SAP130: variants seen among roughly 807,000 people sequenced by gnomAD.
The protein encoded by SAP130 is histone deacetylase complex subunit SAP130.
In SAP130, 16 loss-of-function variants were observed where a neutral mutation model predicts 103.2. The observed-to-expected ratio is 0.16, with a 90% CI of 0.10 to 0.24. The LOEUF is 0.24. SAP130 is among the 10% of genes least tolerant of loss of function. SAP130 has a pLI of 1.00. For missense variants in SAP130, 990 were observed against 1,359.7 expected, an observed-to-expected ratio of 0.73 and a Z score of 4.28; for synonymous variants, 477 against 497.0, an observed-to-expected ratio of 0.96 and a Z score of 0.53.
At chr2:128,027,373 C>A in intron 1 of SAP130, 2 of 1,145,662 alleles carry the variant, frequency 1.7e-6, no homozygotes, top group Non-Finnish European at 2.1e-6. Flanking sequence ...CAGGACCAAT[C>A]CACAGCGACC....
intron 2 of SAP130, among the ~76,000 whole-genome samples, chr2:128,024,603 G>A (rs1191310811): frequency 6.6e-6 from 1 of 151,800 alleles, no homozygotes; most frequent in Non-Finnish European, 1.5e-5. Flanking sequence ...GCTCATGCCT[G>A]TAATCCCAGC....
At chr2:127,948,840 G>A (rs1210386607) in intron 18 of SAP130, among the ~76,000 whole-genome samples, 3 of 152,152 alleles carry the variant, frequency 2.0e-5, no homozygotes, top group South Asian at 2.1e-4. Context: ...AGTTTTTGAA[G>A]AGCGAGTCCC....
intron 15 of SAP130, among the ~76,000 whole-genome samples, chr2:127,960,469 T>C (rs1680160937): frequency 6.6e-6 from 1 of 152,182 alleles, no homozygotes; most frequent in South Asian, 2.1e-4. Flanking sequence ...GTAGGTTTGG[T>C]GGAAAGTTTG....
chr2:128,004,612 T>G (rs1220681122), intron 7 of SAP130, among the ~76,000 whole-genome samples: 1 of 152,124 alleles, frequency 6.6e-6, no homozygotes, highest in African/African-American at 2.4e-5. Flanking sequence ...CAAAATCTTT[T>G]GTGTAACAGT....
At chr2:127,944,369 T>C (rs1382222127) in intron 19 of SAP130, among the ~76,000 whole-genome samples, 1 of 152,108 alleles carries the variant, frequency 6.6e-6, no homozygotes, top group Non-Finnish European at 1.5e-5. Context: ...TTTTAACTTT[T>C]TATACTTGTT....
At chr2:127,950,623 G>A (rs1014162092) in intron 16 of SAP130, among the ~76,000 whole-genome samples, 5 of 152,182 alleles carry the variant, frequency 3.3e-5, no homozygotes, top group Admixed American at 6.5e-5. Flanking sequence ...GGTCCAGGAC[G>A]TCCTTTGACA....
intron 6 of SAP130, among the ~76,000 whole-genome samples, chr2:128,012,419 G>A (rs572537642): frequency 3.3e-5 from 5 of 152,218 alleles, no homozygotes; most frequent in African/African-American, 9.6e-5. Context: ...GCAGTGAGCT[G>A]GGATCGCACC....
intron 6 of SAP130, among the ~76,000 whole-genome samples, chr2:128,011,550 G>C (rs942904072): frequency 2.0e-5 from 3 of 152,180 alleles, no homozygotes; most frequent in Admixed American, 1.3e-4. Context: ...TTCCTCACTC[G>C]GGAGCTCCTT....
At chr2:127,975,822 A>G (rs1681421210) in intron 15 of SAP130, among the ~76,000 whole-genome samples, 1 of 152,128 alleles carries the variant, frequency 6.6e-6, no homozygotes, top group Non-Finnish European at 1.5e-5. Flanking sequence ...GGGGTCTCAG[A>G]AGTTACGCCG....
In SAP130 at chr2:128,026,163, G is replaced by A; in HGVS notation, c.112+18C>T. On this transcript the variant is annotated intron_variant, in intron 2 of 20. Coordinates refer to ENST00000643581, the MANE Select transcript of SAP130 (RefSeq NM_001330301.2). ...TCTTAAAGTAGGAAAAAATATATTA[G>A]AATATTACATATCTCACCTGTAGCA... The A allele has an allele frequency of 6.6e-7, 1 of 1,508,714 alleles. No homozygotes were observed. The highest frequency in any genetic ancestry group is 9.2e-7 in the Non-Finnish European group (1 of 1,090,124). 93.5% of individuals were successfully genotyped at this position (1,508,714 alleles called of 1,614,324 possible).
intron 13 of SAP130, among the ~76,000 whole-genome samples, chr2:127,987,382 C>T (rs918918832): frequency 1.3e-5 from 2 of 152,094 alleles, no homozygotes; most frequent in African/African-American, 4.8e-5. Context: ...GACGGGGTTT[C>T]ACCGTGTTGG....
In SAP130 at chr2:128,016,274, T is replaced by C. The variant is rs948919213; in HGVS notation, c.507+115A>G. On this transcript the variant is annotated intron_variant, in intron 4 of 20. Transcript: ENST00000643581. ...TACTATCTTCACTTGCAGGTATCAG[T>C]GACTGTTTGATCTTTTTTTATTACC... The C allele has an allele frequency of 2.8e-6, 3 of 1,079,914 alleles. No individual in the cohort carries two copies. In the African/African-American group the frequency reaches 4.8e-5, roughly 17 times the overall value. The allele number at this position is 1,079,914 out of a possible 1,614,324, so 66.9% of individuals were successfully genotyped here. A position where few individuals can be genotyped will look rare whatever the true frequency, so the allele number is the denominator to read the frequency against.
chr2:128,027,837 C>T (rs945111477), intron 1 of SAP130, 103 bp downstream of exon 1: 12 of 758,264 alleles, frequency 1.6e-5, no homozygotes, highest in African/African-American at 1.9e-5. Context: ...GATCCTCTGC[C>T]CTTCCCCGGG....
chr2:127,944,061 T>C (rs1031248054), intron 19 of SAP130, among the ~76,000 whole-genome samples: 1 of 152,204 alleles, frequency 6.6e-6, no homozygotes, highest in African/African-American at 2.4e-5. Flanking sequence ...TGAGAGTGTC[T>C]TACTCTGTTA....
At chr2:127,977,939 G>T in intron 15 of SAP130, 46 bp downstream of exon 15, 3 of 1,363,372 alleles carry the variant, frequency 2.2e-6, no homozygotes, top group Non-Finnish European at 3.1e-6. Flanking sequence ...CAACTGCAAC[G>T]ATGTGTGGGT....
Position 127,955,062 on chromosome 2 carries a change from G to A in SAP130, c.2346C>T (p.Ser782=), listed in dbSNP as rs766204652. 5.2e-5 allele frequency: 84 copies of A among 1,613,974 alleles called. 1 individual carries two copies. In the East Asian group the frequency reaches 6.2e-4, roughly 12 times the overall value. Residue 782 remains serine (S), a synonymous_variant, in exon 16 of 21, where the codon TCC becomes TCT. Coordinates refer to ENST00000643581, the MANE Select transcript of SAP130 (RefSeq NM_001330301.2). The surrounding 1 kb of genome is among the most constrained non-coding windows in gnomAD (Gnocchi z 4.9). ...PSVTVGGSLS[S]VLGPPVPEIK... is the part of the protein sequence containing the mutation. Reference sequence around the variant, plus strand: ...TTTCAGGAACGGGAGGGCCCAAGACGGAGGAAAGACTGCCACCCACAGTGA... The same window carrying A: ...TTTCAGGAACGGGAGGGCCCAAGACAGAGGAAAGACTGCCACCCACAGTGA...
chr2:127,976,330 T>C (rs1016823941), intron 15 of SAP130, among the ~76,000 whole-genome samples: 1 of 152,340 alleles, frequency 6.6e-6, no homozygotes, highest in African/African-American at 2.4e-5. Context: ...CCCATTACTT[T>C]TTATTCCCTT....
At position 127,955,262 on chromosome 2, in the gene SAP130, C is replaced by A; in HGVS notation, c.2146G>T (p.Asp716Tyr). The change falls in exon 16 of 21, where the codon GAT becomes TAT. Residue 716 changes from aspartate (D) to tyrosine (Y), a missense_variant. Coordinates refer to ENST00000643581, the MANE Select transcript of SAP130 (RefSeq NM_001330301.2). This position sits in a 1 kb window ranked among gnomAD's most constrained non-coding sequence, Gnocchi z 4.9. ...GGAGGGACGGCAATGGTAGGCTGAT[C>A]ATTATTTTGATTGGATACAGTCTCC... ...SMETVSNQNN[D>Y]QPTIAVPPTA... 1 of 1,613,810 alleles carries A rather than the reference C, an allele frequency of 6.2e-7. No individual in the cohort carries two copies.
chr2:128,003,638 C>T (rs559311501), intron 7 of SAP130, among the ~76,000 whole-genome samples: 4 of 151,896 alleles, frequency 2.6e-5, no homozygotes, highest in African/African-American at 9.6e-5. Context: ...TATTTAACAT[C>T]GACAGGTCCA....
Sources: allele counts gnomAD v4.1 joint callset (sites outside exome capture counted in the v4.1 genomes callset), GRCh38; gene constraint gnomAD v4.1.1; non-coding constraint Gnocchi (gnomAD v3.1); transcripts MANE v1.5; gene names NCBI Gene and HGNC (gene_info 2026-07-23, HGNC 2026-07-21).